KAT6B: variants seen among roughly 807,000 people sequenced by gnomAD.
The protein encoded by KAT6B is lysine acetyltransferase 6B.
A neutral mutation model predicts 187.5 loss-of-function variants in KAT6B; 10 were observed. The observed-to-expected ratio is 0.05, with a 90% confidence interval of 0.03 to 0.09. The LOEUF is 0.09. Among genes scored for constraint, KAT6B ranks in the 10% least tolerant of loss-of-function variants. KAT6B has a pLI of 1.00. For missense variants in KAT6B, 1,952 were observed against 2,558.9 expected, an observed-to-expected ratio of 0.76 and a Z score of 5.12; for synonymous variants, 861 against 926.8, an observed-to-expected ratio of 0.93 and a Z score of 1.29.
chr10:74,859,502 A>G (rs757976328), intron 3 of KAT6B, among the ~76,000 whole-genome samples: 4 of 152,226 alleles, frequency 2.6e-5, no homozygotes, highest in African/African-American at 4.8e-5. Context: ...ATATTCTTTT[A>G]GTTTTTAGTA....
intron 13 of KAT6B, among the ~76,000 whole-genome samples, chr10:75,005,286 C>T (rs191328158): frequency 5.4e-4 from 81 of 151,294 alleles, no homozygotes; most frequent in African/African-American, 1.9e-3. Flanking sequence ...GGCACGATCT[C>T]AGCTCACTGC....
intron 1 of KAT6B, among the ~76,000 whole-genome samples, chr10:74,830,114 G>A (rs551666179): frequency 6.6e-6 from 1 of 152,008 alleles, no homozygotes; most frequent in Admixed American, 6.6e-5. Context: ...TAAATGATGC[G>A]TGGATGAGAG....
At chr10:74,890,109 G>A (rs953254835) in intron 3 of KAT6B, among the ~76,000 whole-genome samples, 2 of 151,806 alleles carry the variant, frequency 1.3e-5, no homozygotes, top group Admixed American at 1.3e-4. Flanking sequence ...TGTAGTCTTG[G>A]CTCACCACAA....
At chr10:74,962,381 C>T (rs1027046854) in intron 4 of KAT6B, among the ~76,000 whole-genome samples, 1 of 152,054 alleles carries the variant, frequency 6.6e-6, no homozygotes, top group Non-Finnish European at 1.5e-5. Flanking sequence ...CAAATAATGG[C>T]GGGAGCCCTG....
chr10:74,877,061 G>A (rs1158062571), intron 3 of KAT6B, among the ~76,000 whole-genome samples: 2 of 151,890 alleles, frequency 1.3e-5, no homozygotes, highest in Non-Finnish European at 2.9e-5. Flanking sequence ...CTACCTGCCG[G>A]TTCAAGCGAT....
At chr10:75,019,405 G>A (rs1002534875) in intron 13 of KAT6B, among the ~76,000 whole-genome samples, 1 of 152,154 alleles carries the variant, frequency 6.6e-6, no homozygotes, top group Non-Finnish European at 1.5e-5. Context: ...GTGATTTTGA[G>A]ATGCAGGAAA....
intron 3 of KAT6B, among the ~76,000 whole-genome samples, chr10:74,885,729 A>T (rs1845195672): frequency 6.6e-6 from 1 of 151,134 alleles, no homozygotes; most frequent in South Asian, 2.2e-4. Context: ...GGTCAAGGAG[A>T]AGTTCTTTTT....
chr10:74,944,584 T>C (rs923084003), intron 3 of KAT6B, among the ~76,000 whole-genome samples: 1 of 151,532 alleles, frequency 6.6e-6, no homozygotes, highest in Non-Finnish European at 1.5e-5. Context: ...TCAAGGCGGG[T>C]GGATCACGAG....
intron 3 of KAT6B, among the ~76,000 whole-genome samples, chr10:74,932,008 G>A (rs1419767830): frequency 2.6e-5 from 4 of 152,166 alleles, no homozygotes; most frequent in South Asian, 2.1e-4. Flanking sequence ...CACCACGCCC[G>A]GCTGAAAGCA....
At chr10:74,927,165 AGT>A (rs1388472660) in intron 3 of KAT6B, among the ~76,000 whole-genome samples, 2 of 152,206 alleles carry the variant, frequency 1.3e-5, no homozygotes, top group Non-Finnish European at 2.9e-5. Context: ...TCTATCAGTT[AGT>A]GTGTTGGCCT....
chr10:74,956,466 G>T (rs1341596502), intron 3 of KAT6B, among the ~76,000 whole-genome samples: 1 of 152,120 alleles, frequency 6.6e-6, no homozygotes, highest in African/African-American at 2.4e-5. Context: ...ATATGCCATT[G>T]GTCATGGGAG....
At chr10:74,978,913 T>G (rs908777677) in intron 9 of KAT6B, among the ~76,000 whole-genome samples, 1 of 152,254 alleles carries the variant, frequency 6.6e-6, no homozygotes, top group African/African-American at 2.4e-5. Flanking sequence ...GACATTTGTA[T>G]GTATTTATAC....
chr10:74,989,388 T>C (rs1842994020), intron 13 of KAT6B, among the ~76,000 whole-genome samples: 1 of 152,254 alleles, frequency 6.6e-6, no homozygotes. Context: ...TTACATTCCA[T>C]TTTGTGGTGC....
At chr10:74,833,172 C>T (rs1027464926) in intron 1 of KAT6B, among the ~76,000 whole-genome samples, 4 of 150,778 alleles carry the variant, frequency 2.7e-5, no homozygotes, top group African/African-American at 4.9e-5. Context: ...ACATTTTTTC[C>T]CTTAATACAT....
At chr10:74,965,275 C>T (rs1564592971) in intron 4 of KAT6B, among the ~76,000 whole-genome samples, 1 of 152,256 alleles carries the variant, frequency 6.6e-6, no homozygotes, top group African/African-American at 2.4e-5. Context: ...CTGGTCCCAT[C>T]CAATCACATT....
chr10:75,021,404 G>T, intron 15 of KAT6B, 119 bp downstream of exon 15: 1 of 896,620 alleles, frequency 1.1e-6, no homozygotes, highest in South Asian at 1.4e-5. Context: ...CATGTGAAAT[G>T]ATATGGCACT....
At chr10:74,944,690 T>C (rs1407199928) in intron 3 of KAT6B, among the ~76,000 whole-genome samples, 3 of 151,168 alleles carry the variant, frequency 2.0e-5, no homozygotes, top group Non-Finnish European at 2.9e-5. Context: ...GCGCCTGTGT[T>C]CCCAGCTACT....
intron 1 of KAT6B, among the ~76,000 whole-genome samples, chr10:74,828,925 A>G (rs1482128315): frequency 6.6e-6 from 1 of 152,050 alleles, no homozygotes; most frequent in East Asian, 1.9e-4. Context: ...TATGTTTTTA[A>G]GAAGGAAAGG....
At chr10:74,918,398 C>T (rs1443733946) in intron 3 of KAT6B, among the ~76,000 whole-genome samples, 1 of 152,094 alleles carries the variant, frequency 6.6e-6, no homozygotes, top group African/African-American at 2.4e-5. Context: ...TCTAGATGCT[C>T]AGCAGATTTT....
Sources: allele counts gnomAD v4.1 joint callset (sites outside exome capture counted in the v4.1 genomes callset), GRCh38; gene constraint gnomAD v4.1.1; transcripts MANE v1.5; gene names NCBI Gene and HGNC (gene_info 2026-07-23, HGNC 2026-07-21).